Variants in C10orf67 observed in about 807,000 individuals in gnomAD.
C10orf67 encodes chromosome 10 open reading frame 67.
In C10orf67, 60 loss-of-function variants were observed where a neutral mutation model predicts 35.6. The observed-to-expected ratio is 1.68, with a 90% CI of 1.37 to 2.09. The LOEUF is 2.09. Ranked by LOEUF, C10orf67 falls within the 30% of genes most tolerant of loss-of-function variation. C10orf67 has a pLI of 0.00. For missense variants in C10orf67, 474 were observed against 330.2 expected, an observed-to-expected ratio of 1.44 and a Z score of -3.38; for synonymous variants, 167 against 115.8, an observed-to-expected ratio of 1.44 and a Z score of -2.84.
intron 10 of C10orf67, 77 bp from the exon 11 acceptor site, chr10:23,250,768 T>C (rs1842427186): frequency 1.0e-5 from 4 of 397,116 alleles, no homozygotes; most frequent in Admixed American, 8.8e-5. Context: ...GAAAAGACTA[T>C]TTCTATAAAT....
chr10:23,209,226 T>TGTA (rs1588572232), intron 15 of C10orf67, among the ~76,000 whole-genome samples: 1 of 152,064 alleles, frequency 6.6e-6, no homozygotes, highest in East Asian at 1.9e-4. Flanking sequence ...CAACAGGGAA[T>TGTA]AACAAAGTGT....
chr10:23,288,115 A>G (rs1843602350), intron 7 of C10orf67, among the ~76,000 whole-genome samples: 1 of 152,198 alleles, frequency 6.6e-6, no homozygotes, highest in Non-Finnish European at 1.5e-5. Flanking sequence ...AATCCCATCA[A>G]TGTGTATATA....
chr10:23,230,533 T>C (rs181220829), intron 13 of C10orf67, among the ~76,000 whole-genome samples: 10 of 152,106 alleles, frequency 6.6e-5, no homozygotes, highest in African/African-American at 2.4e-4. Context: ...ATCCACAAAC[T>C]GAAAGAAGAC....
chr10:23,318,584 C>T, intron 4 of C10orf67: 1 of 280,310 alleles, frequency 3.6e-6, no homozygotes, highest in African/African-American at 2.2e-5. Flanking sequence ...AATCAGATTC[C>T]ACCTCTTGAT....
intron 10 of C10orf67, among the ~76,000 whole-genome samples, chr10:23,255,023 T>A (rs1842564850): frequency 6.6e-6 from 1 of 152,350 alleles, no homozygotes; most frequent in Non-Finnish European, 1.5e-5. Context: ...TTGACTTTCA[T>A]ATTAACATTT....
chr10:23,235,934 G>A (rs1234680814), intron 13 of C10orf67, among the ~76,000 whole-genome samples: 1 of 151,976 alleles, frequency 6.6e-6, no homozygotes, highest in Non-Finnish European at 1.5e-5. Context: ...GGCCAACATG[G>A]TGAAATCTGT....
chr10:23,289,109 C>T (rs1325608263), intron 7 of C10orf67, among the ~76,000 whole-genome samples: 2 of 152,062 alleles, frequency 1.3e-5, no homozygotes, highest in African/African-American at 2.4e-5. Flanking sequence ...TGCTGAGATC[C>T]TACTGCATTC....
intron 15 of C10orf67, among the ~76,000 whole-genome samples, chr10:23,210,604 G>C (rs1841282435): frequency 6.6e-6 from 1 of 152,054 alleles, no homozygotes; most frequent in South Asian, 2.1e-4. Context: ...ATTTTTAGTA[G>C]AGACGGGGTT....
intron 2 of C10orf67, among the ~76,000 whole-genome samples, chr10:23,325,944 A>C (rs191226364): frequency 6.6e-6 from 1 of 152,306 alleles, no homozygotes; most frequent in Admixed American, 6.5e-5. Context: ...TTAACAGAAG[A>C]ACAAAGATGG....
intron 13 of C10orf67, among the ~76,000 whole-genome samples, chr10:23,236,252 G>GAAAAA (rs1842046820): frequency 1.2e-5 from 1 of 81,550 alleles, no homozygotes; most frequent in African/African-American, 1.0e-4. Context: ...CCCTCTCGGG[G>GAAAAA]GAAAAAAAAA....
At chr10:23,301,557 C>G (rs1319720692) in intron 5 of C10orf67, among the ~76,000 whole-genome samples, 1 of 152,208 alleles carries the variant, frequency 6.6e-6, no homozygotes, top group Non-Finnish European at 1.5e-5. Context: ...ACCCAGAGCT[C>G]CCAAGATGGT....
At chr10:23,229,776 T>A (rs2132119690) in intron 13 of C10orf67, among the ~76,000 whole-genome samples, 1 of 151,998 alleles carries the variant, frequency 6.6e-6, no homozygotes, top group Non-Finnish European at 1.5e-5. Flanking sequence ...TAAGATTACA[T>A]CTAAAAAAAG....
intron 10 of C10orf67, among the ~76,000 whole-genome samples, chr10:23,261,277 TA>T (rs1842741577): frequency 6.6e-6 from 1 of 152,150 alleles, no homozygotes; most frequent in Non-Finnish European, 1.5e-5. Flanking sequence ...ATTCCCACAC[TA>T]AAATTGCTGG....
intron 8 of C10orf67, among the ~76,000 whole-genome samples, chr10:23,269,626 A>C (rs1008754407): frequency 2.0e-5 from 3 of 152,174 alleles, no homozygotes; most frequent in Admixed American, 6.5e-5. Context: ...AGCAAGCTCA[A>C]CTATTTACTG....
At chr10:23,315,432 T>TTTTG (rs915389619) in intron 4 of C10orf67, among the ~76,000 whole-genome samples, 20 of 152,228 alleles carry the variant, frequency 1.3e-4, no homozygotes, top group East Asian at 3.9e-4. Context: ...GTTTTTTGTT[T>TTTTG]TTTGTTTGTT....
chr10:23,324,042 T>G (rs537644726), intron 2 of C10orf67, among the ~76,000 whole-genome samples: 2 of 143,760 alleles, frequency 1.4e-5, no homozygotes, highest in East Asian at 4.0e-4. Context: ...TGAAAAAGAG[T>G]GATTCACCCT....
chr10:23,229,422 G>A (rs1485083372), intron 13 of C10orf67, among the ~76,000 whole-genome samples: 11 of 115,168 alleles, frequency 9.6e-5, no homozygotes, highest in South Asian at 3.4e-4. Flanking sequence ...ATCATACACC[G>A]AGGCCTGTCA....
chr10:23,272,579 C>A (rs1032664888), intron 8 of C10orf67, among the ~76,000 whole-genome samples: 2 of 152,130 alleles, frequency 1.3e-5, no homozygotes, highest in African/African-American at 4.8e-5. Flanking sequence ...ACCACTTTAC[C>A]TTGACTACTA....
intron 8 of C10orf67, among the ~76,000 whole-genome samples, chr10:23,281,750 C>T (rs1196316501): frequency 1.3e-5 from 2 of 151,988 alleles, no homozygotes; most frequent in African/African-American, 4.8e-5. Context: ...TAATAAAATG[C>T]AGAAATTTTA....
Sources: gnomAD v4.1 joint callset for allele counts (sites outside exome capture counted in the v4.1 genomes callset) on GRCh38, gnomAD v4.1.1 for gene constraint, MANE v1.5 for transcripts, NCBI Gene and HGNC (gene_info 2026-07-23, HGNC 2026-07-21) for gene names.